Variants in CACNA1E observed in about 807,000 individuals in gnomAD.
CACNA1E encodes voltage-dependent R-type calcium channel subunit alpha-1E.
A neutral mutation model predicts 259.2 loss-of-function variants in CACNA1E; 40 were observed. The ratio of observed to expected loss-of-function variants is 0.15; its 90% CI spans 0.12 to 0.20. CACNA1E has a LOEUF of 0.20. Among genes scored for constraint, CACNA1E ranks in the 10% least tolerant of loss-of-function variants. CACNA1E has a pLI of 1.00. For synonymous variants in CACNA1E, 1,104 were observed against 1,138.5 expected (o/e 0.97, Z 0.61); for missense variants, 1,874 against 3,040.1 (o/e 0.62, Z 9.02).
At chr1:181,699,664 C>T (rs111621082) in intron 7 of CACNA1E, among the ~76,000 whole-genome samples, 137 of 152,254 alleles carry the variant, frequency 9.0e-4, no homozygotes, top group African/African-American at 3.2e-3. Context: ...GAGGCTACTG[C>T]GCTCTTGCAG....
chr1:181,425,134 C>A (rs1043202740), intron 2 of CACNA1E, among the ~76,000 whole-genome samples: 7 of 152,174 alleles, frequency 4.6e-5, no homozygotes, highest in Admixed American at 1.3e-4. Context: ...GTGGTTGTTT[C>A]TGTGTATTGC....
chr1:181,470,125 G>T (rs996119217), intron 2 of CACNA1E, among the ~76,000 whole-genome samples: 1 of 152,156 alleles, frequency 6.6e-6, no homozygotes, highest in Middle Eastern at 3.4e-3. Context: ...GAGAGAGCAC[G>T]AGAGCACACA....
intron 18 of CACNA1E, among the ~76,000 whole-genome samples, chr1:181,729,338 A>C (rs1162543453): frequency 6.6e-6 from 1 of 152,082 alleles, no homozygotes; most frequent in Non-Finnish European, 1.5e-5. Context: ...TACATTGCTT[A>C]GGTGTGTGTG....
chr1:181,529,097 C>G (rs1667583039), intron 3 of CACNA1E, among the ~76,000 whole-genome samples: 3 of 152,204 alleles, frequency 2.0e-5, no homozygotes, highest in South Asian at 2.1e-4. Context: ...GGGCTGGGCC[C>G]AGGGTCCCTG....
At chr1:181,522,977 A>G (rs1667099786) in intron 3 of CACNA1E, among the ~76,000 whole-genome samples, 1 of 151,880 alleles carries the variant, frequency 6.6e-6, no homozygotes, top group Non-Finnish European at 1.5e-5. Context: ...CCCTGTTTTC[A>G]TTTTACATTC....
At chr1:181,414,946 G>A (rs1037020744) in intron 2 of CACNA1E, among the ~76,000 whole-genome samples, 1 of 152,246 alleles carries the variant, frequency 6.6e-6, no homozygotes, top group Admixed American at 6.5e-5. Flanking sequence ...TGGTGTTGGG[G>A]TTTGGAGACT....
intron 1 of CACNA1E, among the ~76,000 whole-genome samples, chr1:181,509,164 C>T (rs1205553960): frequency 1.3e-5 from 2 of 152,148 alleles, no homozygotes; most frequent in African/African-American, 2.4e-5. Context: ...CATCTCAGCC[C>T]TGCAGCCCCT....
Position 181,692,698 on chromosome 1 carries a change from G to A in CACNA1E, c.1056-18256G>A, listed in dbSNP as rs1651289656. ...AAGACCTCAAACTATGAGAATCCAA[G>A]AAATACACCTAGGAAACACCATTTT... On this transcript the variant is annotated intron_variant, in intron 7 of 47. Coordinates refer to ENST00000367573, the MANE Select transcript of CACNA1E (RefSeq NM_001205293.3). Among the ~76,000 whole-genome samples, 5 of 152,090 alleles carry A rather than the reference G, an allele frequency of 3.3e-5. No homozygotes were observed. In the South Asian group the frequency reaches 1.0e-3, roughly 32 times the overall value.
chr1:181,551,928 A>G (rs558953726), intron 3 of CACNA1E, among the ~76,000 whole-genome samples: 1 of 150,772 alleles, frequency 6.6e-6, no homozygotes, highest in African/African-American at 2.5e-5. Flanking sequence ...TTTTGGCAAA[A>G]TTCTGGCCCC....
At chr1:181,488,199 G>A (rs1664015999) in intron 1 of CACNA1E, among the ~76,000 whole-genome samples, 1 of 152,146 alleles carries the variant, frequency 6.6e-6, no homozygotes, top group African/African-American at 2.4e-5. Flanking sequence ...CTTTTCTTCT[G>A]CTTTTGTTGC....
intron 3 of CACNA1E, among the ~76,000 whole-genome samples, chr1:181,526,818 T>C (rs1223390902): frequency 6.6e-6 from 1 of 152,220 alleles, no homozygotes; most frequent in Non-Finnish European, 1.5e-5. Context: ...AGGGTATTTC[T>C]GAGTATTTTA....
At chr1:181,617,874 GA>G (rs1412761635) in intron 6 of CACNA1E, among the ~76,000 whole-genome samples, 1 of 152,206 alleles carries the variant, frequency 6.6e-6, no homozygotes, top group Non-Finnish European at 1.5e-5. Flanking sequence ...TCATCTGGGT[GA>G]CTGCTGTTTT....
At chr1:181,471,080 G>A (rs1221590019) in intron 2 of CACNA1E, among the ~76,000 whole-genome samples, 1 of 152,178 alleles carries the variant, frequency 6.6e-6, no homozygotes, top group Non-Finnish European at 1.5e-5. Flanking sequence ...CTCCAGAGTA[G>A]CTGATGGCAG....
intron 25 of CACNA1E, among the ~76,000 whole-genome samples, chr1:181,744,745 A>T (rs1402826813): frequency 2.6e-5 from 4 of 152,204 alleles, no homozygotes. Flanking sequence ...TCTTGGAGGC[A>T]AAAAAAGTGG....
chr1:181,388,124 C>T (rs954296211), intron 1 of CACNA1E, among the ~76,000 whole-genome samples: 5 of 152,168 alleles, frequency 3.3e-5, no homozygotes, highest in African/African-American at 1.2e-4. Context: ...GAGCACCCAG[C>T]GGTGGTCTTA....
chr1:181,484,967 T>G (rs1024419184), intron 1 of CACNA1E, among the ~76,000 whole-genome samples: 2 of 152,372 alleles, frequency 1.3e-5, no homozygotes, highest in East Asian at 3.9e-4. Flanking sequence ...TTTAATCAAG[T>G]GCACCAAATG....
At chr1:181,654,538 A>G (rs1024165834) in intron 7 of CACNA1E, among the ~76,000 whole-genome samples, 4 of 152,190 alleles carry the variant, frequency 2.6e-5, no homozygotes, top group Non-Finnish European at 5.9e-5. Flanking sequence ...GCATTATTTC[A>G]TGGTAGTGGG....
At chr1:181,426,038 G>A (rs1659165734) in intron 2 of CACNA1E, among the ~76,000 whole-genome samples, 1 of 152,240 alleles carries the variant, frequency 6.6e-6, no homozygotes, top group South Asian at 2.1e-4. Flanking sequence ...GAGGAATTCA[G>A]TAAATTCTCT....
intron 3 of CACNA1E, among the ~76,000 whole-genome samples, chr1:181,531,042 A>G (rs1572119179): frequency 6.6e-6 from 1 of 152,330 alleles, no homozygotes; most frequent in Admixed American, 6.5e-5. Context: ...CCTCTATACC[A>G]TATATTCTCC....
Sources: gnomAD v4.1 joint callset for allele counts (sites outside exome capture counted in the v4.1 genomes callset) on GRCh38, gnomAD v4.1.1 for gene constraint, MANE v1.5 for transcripts, NCBI Gene and HGNC (gene_info 2026-07-23, HGNC 2026-07-21) for gene names.